The following ULK4 variants were observed in gnomAD, a reference collection of about 807,000 sequenced individuals.
The protein encoded by ULK4 is inactive serine/threonine-protein kinase ULK4.
In ULK4, 133 loss-of-function variants were observed where a neutral mutation model predicts 160.6. The observed-to-expected ratio is 0.83, with a 90% CI of 0.72 to 0.96. ULK4 has a LOEUF of 0.96. ULK4 is among the 40% of genes least tolerant of loss of function. ULK4 has a pLI of 0.00. For synonymous variants in ULK4, 534 were observed against 539.8 expected, an observed-to-expected ratio of 0.99 and a Z score of 0.15; for missense variants, 1,580 against 1,499.5, an observed-to-expected ratio of 1.05 and a Z score of -0.89.
intron 12 of ULK4, among the ~76,000 whole-genome samples, chr3:41,903,345 G>A (rs1698437840): frequency 6.6e-6 from 1 of 152,194 alleles, no homozygotes; most frequent in Admixed American, 6.5e-5. Context: ...AGCACTTTGG[G>A]AGGTCCAGGT....
intron 35 of ULK4, among the ~76,000 whole-genome samples, chr3:41,376,526 T>C (rs2081500567): frequency 6.7e-6 from 1 of 149,886 alleles, no homozygotes; most frequent in Non-Finnish European, 1.5e-5. Context: ...TTCAGCAAAG[T>C]CTCAGGATAC....
intron 20 of ULK4, among the ~76,000 whole-genome samples, chr3:41,793,380 A>C (rs1197006400): frequency 6.6e-6 from 1 of 152,236 alleles, no homozygotes; most frequent in Non-Finnish European, 1.5e-5. Context: ...CATATCTGTT[A>C]GAAACATATG....
At chr3:41,520,138 A>G (rs945405589) in intron 32 of ULK4, among the ~76,000 whole-genome samples, 3 of 152,188 alleles carry the variant, frequency 2.0e-5, no homozygotes, top group Non-Finnish European at 4.4e-5. Context: ...GTGTTGTGTA[A>G]CCATCACCAC....
intron 32 of ULK4, among the ~76,000 whole-genome samples, chr3:41,547,579 G>A (rs1468636718): frequency 1.3e-5 from 2 of 152,118 alleles, no homozygotes; most frequent in East Asian, 1.9e-4. Context: ...GAGCTGCCTG[G>A]AGTCCAGGCA....
chr3:41,625,772 T>C (rs1316833825), intron 30 of ULK4, among the ~76,000 whole-genome samples: 1 of 152,234 alleles, frequency 6.6e-6, no homozygotes, highest in Non-Finnish European at 1.5e-5. Flanking sequence ...GAAATGTCTA[T>C]AATTTACAGA....
intron 17 of ULK4, among the ~76,000 whole-genome samples, chr3:41,861,080 TC>T (rs947041070): frequency 4.3e-4 from 66 of 152,250 alleles, no homozygotes; most frequent in African/African-American, 1.6e-3. Context: ...TTTTGCTGTT[TC>T]TATTTAGATC....
At position 41,900,768 on chromosome 3, in the gene ULK4, G is replaced by A. The variant is rs371185820; in HGVS notation, c.1244C>T (p.Thr415Met). ...LESQMRELIY[T>M]DSDLVVTPII... ...GGGGGTGACAACAAGATCTGAGTCC[G>A]TGTAGATAAGCTCTCTCATCTGGGA... Residue 415 changes from threonine to methionine, a missense_variant, in exon 13 of 37, where the codon ACG becomes ATG. Transcript: ENST00000301831. The A allele has an allele frequency of 3.3e-5, 54 of 1,613,580 alleles. No individual in the cohort carries two copies. Among genetic ancestry groups the A allele is most frequent in the East Asian group, 8.9e-5 (4 of 44,886 alleles).
rs150439097 is a variant in ULK4 at position 41,961,381 on chromosome 3, T to A, written c.-49+635A>T. On this transcript the variant is annotated intron_variant, in intron 1 of 36. Coordinates refer to ENST00000301831, the MANE Select transcript of ULK4 (RefSeq NM_017886.4). ...GGTAGGGCCTGGCCTTCTGTGTTACTACACGCCCTGGGGTGACTGGGATGC... is the reference window on the plus strand; with the variant it reads ...GGTAGGGCCTGGCCTTCTGTGTTACAACACGCCCTGGGGTGACTGGGATGC... 1.9e-3 allele frequency among the ~76,000 whole-genome samples: 285 copies of A among 152,282 alleles called. 2 individuals carry two copies. Among genetic ancestry groups the A allele is most frequent in the African/African-American group, 6.7e-3 (280 of 41,556 alleles).
At chr3:41,468,204 TA>T (rs2083882991) in intron 32 of ULK4, among the ~76,000 whole-genome samples, 1 of 152,066 alleles carries the variant, frequency 6.6e-6, no homozygotes, top group Non-Finnish European at 1.5e-5. Context: ...GATTAAGCCC[TA>T]AAAACTAGGT....
intron 35 of ULK4, among the ~76,000 whole-genome samples, chr3:41,311,250 C>G (rs2080042675): frequency 1.3e-5 from 2 of 152,104 alleles, no homozygotes; most frequent in East Asian, 3.9e-4. Context: ...CAGGGTGTGT[C>G]CGTGAGGGCG....
At chr3:41,625,127 G>A (rs1215585473) in intron 30 of ULK4, among the ~76,000 whole-genome samples, 1 of 152,142 alleles carries the variant, frequency 6.6e-6, no homozygotes, top group Non-Finnish European at 1.5e-5. Flanking sequence ...TCAATAAGTG[G>A]ACAATGAGAT....
At chr3:41,520,893 T>A (rs77349926) in intron 32 of ULK4, among the ~76,000 whole-genome samples, 3,713 of 152,344 alleles carry the variant, frequency 0.024, 140 homozygotes, top group African/African-American at 0.08. Flanking sequence ...CTTCATCCAC[T>A]TCTGAACTGG....
intron 30 of ULK4, among the ~76,000 whole-genome samples, chr3:41,623,964 ATAATTT>A (rs944203825): frequency 1.3e-5 from 2 of 152,224 alleles, no homozygotes; most frequent in African/African-American, 4.8e-5. Context: ...TCAGTTAAAA[ATAATTT>A]TAAATAAATA....
chr3:41,439,180 A>G (rs2083102476), intron 34 of ULK4, among the ~76,000 whole-genome samples: 1 of 152,128 alleles, frequency 6.6e-6, no homozygotes. Context: ...AACATTAGCC[A>G]CAGAACCTGG....
At chr3:41,635,145 C>G (rs1238525876) in intron 30 of ULK4, among the ~76,000 whole-genome samples, 1 of 152,110 alleles carries the variant, frequency 6.6e-6, no homozygotes, top group South Asian at 2.1e-4. Flanking sequence ...ATTGCATATA[C>G]TGAGTAACTT....
At chr3:41,428,757 T>C (rs1051031435) in intron 34 of ULK4, among the ~76,000 whole-genome samples, 3 of 152,110 alleles carry the variant, frequency 2.0e-5, no homozygotes, top group Non-Finnish European at 2.9e-5. Context: ...TTACAATATA[T>C]ACAAAAATTA....
chr3:41,728,708 C>T (rs2037730704), intron 22 of ULK4, among the ~76,000 whole-genome samples: 1 of 151,944 alleles, frequency 6.6e-6, no homozygotes, highest in Admixed American at 6.6e-5. Flanking sequence ...AAAAAACTGC[C>T]CTGGGTGTCA....
intron 35 of ULK4, among the ~76,000 whole-genome samples, chr3:41,269,789 G>C (rs1008474441): frequency 1.3e-5 from 2 of 152,072 alleles, no homozygotes; most frequent in African/African-American, 4.8e-5. Context: ...TTCTTATAAA[G>C]TTAAGTTACC....
At chr3:41,465,423 C>A (rs73828050) in intron 32 of ULK4, among the ~76,000 whole-genome samples, 2,424 of 152,246 alleles carry the variant, frequency 0.016, 58 homozygotes, top group African/African-American at 0.051. Context: ...AATACCATTG[C>A]CACTTTTAAA....
Sources: gnomAD v4.1 joint callset for allele counts (sites outside exome capture counted in the v4.1 genomes callset) on GRCh38, gnomAD v4.1.1 for gene constraint, MANE v1.5 for transcripts, NCBI Gene and HGNC (gene_info 2026-07-23, HGNC 2026-07-21) for gene names.